RAB11FIP4: variants seen among roughly 807,000 people sequenced by gnomAD.
The protein encoded by RAB11FIP4 is RAB11 family interacting protein 4.
RAB11FIP4 carries 23 observed loss-of-function variants against 74.3 expected under a neutral mutation model. The observed-to-expected ratio is 0.31, with a 90% CI of 0.22 to 0.44. RAB11FIP4 has a LOEUF of 0.44. Ranked by LOEUF, RAB11FIP4 falls within the 20% of genes least tolerant of loss-of-function variation. RAB11FIP4 has a pLI of 1.00. For synonymous variants in RAB11FIP4, 360 were observed against 359.9 expected (o/e 1.00, Z 0.00); for missense variants, 630 against 863.9 (o/e 0.73, Z 3.39).
intron 14 of RAB11FIP4, 79 bp from the exon 15 acceptor site, chr17:31,531,537 C>A: frequency 2.1e-6 from 2 of 945,770 alleles, no homozygotes; most frequent in Non-Finnish European, 3.4e-6. Flanking sequence ...CACTGGCCTG[C>A]GACAAGCCTG....
intron 3 of RAB11FIP4, among the ~76,000 whole-genome samples, chr17:31,474,864 AC>A (rs2142731881): frequency 1.8e-5 from 2 of 109,642 alleles, no homozygotes; most frequent in African/African-American, 3.1e-5. Flanking sequence ...ACAAAACAAA[AC>A]AAAACAAAAC....
At chr17:31,488,526 G>C (rs2071945768) in intron 3 of RAB11FIP4, 1 of 260,916 alleles carries the variant, frequency 3.8e-6, no homozygotes, top group Admixed American at 6.0e-5. Flanking sequence ...CCTCCCTGGG[G>C]ACCCGACGGC....
intron 1 of RAB11FIP4, among the ~76,000 whole-genome samples, chr17:31,394,959 C>G (rs1004579986): frequency 6.7e-6 from 1 of 148,430 alleles, no homozygotes. Context: ...GGCTCCCTTA[C>G]GAAATGCAGT....
chr17:31,485,865 A>G (rs1412446239), intron 3 of RAB11FIP4, among the ~76,000 whole-genome samples: 2 of 152,240 alleles, frequency 1.3e-5, no homozygotes, highest in Admixed American at 6.5e-5. Flanking sequence ...ATAAGACTCA[A>G]TTCAAACCCA....
intron 1 of RAB11FIP4, among the ~76,000 whole-genome samples, chr17:31,393,516 C>G (rs933557926): frequency 2.0e-5 from 3 of 152,244 alleles, no homozygotes; most frequent in Non-Finnish European, 4.4e-5. Flanking sequence ...GCCTCAGCCA[C>G]GTGCCCAGCA....
chr17:31,527,786 C>A (rs1232593120), intron 10 of RAB11FIP4, 56 bp from the exon 11 acceptor site: 3 of 1,358,954 alleles, frequency 2.2e-6, no homozygotes, highest in African/African-American at 1.4e-5. Flanking sequence ...CTGGCAGGCG[C>A]TTATCAGATA....
At chr17:31,445,573 TA>T (rs2071452973) in intron 3 of RAB11FIP4, among the ~76,000 whole-genome samples, 3 of 10,470 alleles carry the variant, frequency 2.9e-4, no homozygotes, top group African/African-American at 4.1e-4. Flanking sequence ...TATATATATA[TA>T]TATATTTTTT....
intron 3 of RAB11FIP4, among the ~76,000 whole-genome samples, chr17:31,493,009 G>A (rs754536509): frequency 3.0e-4 from 45 of 152,070 alleles, no homozygotes; most frequent in Admixed American, 2.3e-3. Flanking sequence ...TACAAGGGTC[G>A]TATGAAGGTC....
chr17:31,471,229 A>ATTT (rs35208927), intron 3 of RAB11FIP4, among the ~76,000 whole-genome samples: 7 of 139,886 alleles, frequency 5.0e-5, no homozygotes, highest in African/African-American at 7.9e-5. Flanking sequence ...TGCCCAGCTA[A>ATTT]TTTTTTTTTT....
intron 13 of RAB11FIP4, among the ~76,000 whole-genome samples, chr17:31,529,696 G>T (rs2072832547): frequency 6.6e-6 from 1 of 152,190 alleles, no homozygotes; most frequent in Non-Finnish European, 1.5e-5. Flanking sequence ...AGGTGGAAGA[G>T]CCTGCAGCAT....
intron 3 of RAB11FIP4, among the ~76,000 whole-genome samples, chr17:31,469,898 G>A (rs780614660): frequency 6.6e-6 from 1 of 152,232 alleles, no homozygotes; most frequent in Non-Finnish European, 1.5e-5. Context: ...TCTGAGATGA[G>A]TAAGCGGAGA....
chr17:31,402,056 C>G (rs2070991669), intron 1 of RAB11FIP4, among the ~76,000 whole-genome samples: 1 of 152,190 alleles, frequency 6.6e-6, no homozygotes, highest in African/African-American at 2.4e-5. Flanking sequence ...CATGTACCTC[C>G]TGATCCATCC....
In RAB11FIP4 at chr17:31,400,000, G is replaced by A. The variant is rs534890838; in HGVS notation, c.159+7989G>A. On this transcript the variant is annotated intron_variant, in intron 1 of 14. Transcript: ENST00000621161. ...GGAGGTTGCAGTGAGCCGAGATTGC[G>A]CCACTGCACTCCAGCCTAGGCGACA... is the stretch of plus-strand genomic sequence containing the variant. 1.3e-4 allele frequency among the ~76,000 whole-genome samples: 19 copies of A among 148,422 alleles called. No homozygotes were observed. In the East Asian group the frequency reaches 2.0e-3, roughly 16 times the overall value.
rs111985537 is a variant in RAB11FIP4 at position 31,519,171 on chromosome 17, C to T, written c.563+1294C>T. On this transcript the variant is annotated intron_variant, in intron 4 of 14. Coordinates refer to ENST00000621161, the MANE Select transcript of RAB11FIP4 (RefSeq NM_032932.6). ...CTGGGACTATAGGTGCCCACCACCA[C>T]GCCTGGCTAATTTTTTGTATTTTTA... Among the ~76,000 whole-genome samples the T allele has an allele frequency of 3.1e-3, 467 of 152,098 alleles. 3 individuals carry two copies. The highest frequency in any genetic ancestry group is 0.011 in the African/African-American group (445 of 41,486).
intron 3 of RAB11FIP4, among the ~76,000 whole-genome samples, chr17:31,505,441 T>A (rs1487604581): frequency 2.0e-5 from 2 of 98,958 alleles, no homozygotes; most frequent in Non-Finnish European, 3.9e-5. Flanking sequence ...AATTATTATA[T>A]AATATATAAT....
chr17:31,396,258 G>T (rs1266272818), intron 1 of RAB11FIP4, among the ~76,000 whole-genome samples: 5 of 151,914 alleles, frequency 3.3e-5, no homozygotes, highest in Non-Finnish European at 7.4e-5. Context: ...GCACACCACT[G>T]CCCTGATCCT....
At chr17:31,394,167 G>A (rs1030311061) in intron 1 of RAB11FIP4, among the ~76,000 whole-genome samples, 2 of 152,304 alleles carry the variant, frequency 1.3e-5, no homozygotes, top group Middle Eastern at 3.4e-3. Context: ...ATAGGGACAA[G>A]CAAAATAAAA....
In RAB11FIP4 at chr17:31,525,206, C is replaced by T. The variant is rs1461073320; in HGVS notation, c.1250C>T (p.Thr417Ile). ...GGCAAGCTGGAGAGGGAGAAGGCTA[C>T]CGAGGTGGAGCTGCTCAATGCCAGG... Reference protein sequence around the residue: ...AYGKLEREKATEVELLNARVQ... With the variant: ...AYGKLEREKAIEVELLNARVQ... Residue 417 changes from threonine (T) to isoleucine (I), a missense_variant, in exon 10 of 15, where the codon ACC (threonine) becomes ATC (isoleucine). Coordinates refer to ENST00000621161, the MANE Select transcript of RAB11FIP4 (RefSeq NM_032932.6). The T allele has an allele frequency of 6.5e-7, 1 of 1,548,222 alleles. No homozygotes were observed. The highest frequency in any genetic ancestry group is 2.4e-5 in the East Asian group (1 of 40,916).
rs1214245502 is a variant in RAB11FIP4, at chr17:31,439,112, A to C, written c.336+4990A>C. On this transcript the variant is annotated intron_variant, in intron 3 of 14. Transcript: ENST00000621161. Reference sequence around the variant, plus strand: ...ATGACAGCCAGCCCCATGTCCACCCAGTGGCTTCAGGGCTCAGGCTGAGCT... The same window carrying C: ...ATGACAGCCAGCCCCATGTCCACCCCGTGGCTTCAGGGCTCAGGCTGAGCT... 2.6e-5 allele frequency among the ~76,000 whole-genome samples: 4 copies of C among 152,116 alleles called. No individual in the cohort carries two copies. In the East Asian group the frequency reaches 7.7e-4, roughly 29 times the overall value.
Sources: allele counts gnomAD v4.1 joint callset (sites outside exome capture counted in the v4.1 genomes callset), GRCh38; gene constraint gnomAD v4.1.1; transcripts MANE v1.5; gene names NCBI Gene and HGNC (gene_info 2026-07-23, HGNC 2026-07-21).